TNPO2: variants seen among roughly 807,000 people sequenced by gnomAD.
TNPO2 encodes the protein transportin 2.
TNPO2 carries 16 observed loss-of-function variants against 111.1 expected under a neutral mutation model. The observed-to-expected ratio is 0.14, with a 90% CI of 0.10 to 0.22. The LOEUF is 0.22. Ranked by LOEUF, TNPO2 falls within the 10% of genes least tolerant of loss-of-function variation. The pLI is 1.00. For missense variants in TNPO2, 530 were observed against 1,173.7 expected (o/e 0.45, Z 8.01); for synonymous variants, 481 against 475.8 (o/e 1.01, Z -0.14).
Position 12,715,860 on chromosome 19 carries a change from T to A in TNPO2, c.326-121A>T. Reference sequence around the variant, plus strand: ...CCCTAGCCCATGTACGCCCTCTACATCCCCCCTCCTTTTTTTTTTCTTTGT... The same window carrying A: ...CCCTAGCCCATGTACGCCCTCTACAACCCCCCTCCTTTTTTTTTTCTTTGT... On this transcript the variant is annotated intron_variant, in intron 5 of 25. Transcript: ENST00000425528. The surrounding 1 kb of genome is among the most constrained non-coding windows in gnomAD (Gnocchi z 7.1). 4.2e-6 allele frequency: 3 copies of A among 707,904 alleles called. 1 individual carries two copies. Among genetic ancestry groups the A allele is most frequent in the South Asian group, 3.7e-5 (2 of 54,598 alleles). 43.9% of individuals were successfully genotyped at this position (707,904 alleles called of 1,614,324 possible).
In TNPO2 at chr19:12,702,881, G is replaced by A; in HGVS notation, c.2247C>T (p.Asn749=). ...GTCGGTTAATGATTTCCACCAGGTT[G>A]TTGAGGACCATCTGCACATAAGGCT... ...EMQPYVQMVL[N]NLVEIINRPN... The change falls in exon 21 of 26, where the codon AAC becomes AAT. Residue 749 remains asparagine, a synonymous_variant. Coordinates refer to ENST00000425528, the MANE Select transcript of TNPO2 (RefSeq NM_001382241.1). The surrounding 1 kb of genome is among the most constrained non-coding windows in gnomAD (Gnocchi z 5.5). 1 of 1,613,932 alleles carries A rather than the reference G, an allele frequency of 6.2e-7. No individual in the cohort carries two copies. Among genetic ancestry groups the A allele is most frequent in the Non-Finnish European group, 8.5e-7 (1 of 1,179,840 alleles).
chr19:12,710,217 T>C lies in TNPO2; in HGVS notation c.1270+404A>G, dbSNP rs539295241. ...AAGGCCCAGACACACCCTGAGTGAC[T>C]GTAAGGAAGTGGCATCAATCTTTCT... On this transcript the variant is annotated intron_variant, in intron 13 of 25. Transcript: ENST00000425528. Among the ~76,000 whole-genome samples the C allele has an allele frequency of 3.9e-5, 6 of 152,224 alleles. No homozygotes were observed. The South Asian group carries it at 1.2e-3, about 32-fold the overall frequency.
intron 5 of TNPO2, 134 bp downstream of exon 5, chr19:12,718,895 T>A: frequency 8.0e-7 from 1 of 1,243,702 alleles, no homozygotes; most frequent in Non-Finnish European, 1.1e-6. Context: ...CTCAGCTTCC[T>A]CATCTATCAA....
chr19:12,705,543 G>C lies in TNPO2; in HGVS notation c.1812C>G (p.Pro604=). The part of the protein sequence containing the change: ...LQSGFLPYCE[P]VYQRCVTLVQ... ...CCAGGGTGACACAGCGCTGGTAGAC[G>C]GGCTCACAGTAAGGCAGGAAGCCAC... Residue 604 remains proline (P), a synonymous_variant, in exon 17 of 26, where the codon CCC becomes CCG. Transcript: ENST00000425528. This position sits in a 1 kb window ranked among gnomAD's most constrained non-coding sequence, Gnocchi z 7.2. 1 of 1,605,712 alleles carries C rather than the reference G, an allele frequency of 6.2e-7. No homozygotes were observed. Among genetic ancestry groups the C allele is most frequent in the Non-Finnish European group, 8.5e-7 (1 of 1,176,764 alleles).
At position 12,705,417 on chromosome 19, in the gene TNPO2, AGGGGCAC is replaced by A; in HGVS notation, c.1864-26_1864-20del. ...TGTACATCTAGACACAGATGCCGAC[AGGGGCAC>A]GGGTAAGTGGAGCAGGCCCGAGGCA... On this transcript the variant is annotated intron_variant, in intron 17 of 25. Transcript: ENST00000425528. The surrounding 1 kb of genome is among the most constrained non-coding windows in gnomAD (Gnocchi z 7.2). The A allele has an allele frequency of 6.3e-7, 1 of 1,578,642 alleles. No homozygotes were observed. The highest frequency in any genetic ancestry group is 1.3e-5 in the African/African-American group (1 of 74,240).
intron 18 of TNPO2, among the ~76,000 whole-genome samples, chr19:12,704,666 C>T (rs999501493): frequency 8.3e-6 from 1 of 120,028 alleles, no homozygotes; most frequent in Non-Finnish European, 1.7e-5. Flanking sequence ...CTTGGGCTTT[C>T]ACATTTTCTA....
chr19:12,707,359 A>G (rs1442438554), intron 13 of TNPO2, among the ~76,000 whole-genome samples: 1 of 152,002 alleles, frequency 6.6e-6, no homozygotes, highest in Non-Finnish European at 1.5e-5. Context: ...AATTGAATTC[A>G]TGTGTTAATT....
In TNPO2 at chr19:12,719,315, A is replaced by T; in HGVS notation, c.121T>A (p.Phe41Ile). 1 of 1,613,888 alleles carries T rather than the reference A, an allele frequency of 6.2e-7. No individual in the cohort carries two copies. Among genetic ancestry groups the T allele is most frequent in the South Asian group, 1.1e-5 (1 of 91,088 alleles). Residue 41 changes from phenylalanine (F) to isoleucine (I), a missense_variant, in exon 4 of 26, where the codon TTT becomes ATT. This residue lies in a region of TNPO2 where 156 missense variants were observed against 405.8 expected (regional missense o/e 0.38). Coordinates refer to ENST00000425528, the MANE Select transcript of TNPO2 (RefSeq NM_001382241.1). This position sits in a 1 kb window ranked among gnomAD's most constrained non-coding sequence, Gnocchi z 5.0. ...VQDKLKQLNQ[F>I]PDFNNYLIFV... is the part of the protein sequence containing the mutation. ...ATCAGGTAGTTGTTGAAGTCAGGAAACTGATTGAGTTGTTTGAGTTTCTGC... is the reference window on the plus strand; with the variant it reads ...ATCAGGTAGTTGTTGAAGTCAGGAATCTGATTGAGTTGTTTGAGTTTCTGC...
Position 12,706,893 on chromosome 19 carries a change from C to T in TNPO2, c.1271-98G>A, listed in dbSNP as rs2025707458. 1.9e-6 allele frequency: 2 copies of T among 1,032,010 alleles called. No homozygotes were observed. Among genetic ancestry groups the T allele is most frequent in the Non-Finnish European group, 2.9e-6 (2 of 693,752 alleles). The allele number at this position is 1,032,010 out of a possible 1,614,324, so 63.9% of individuals were successfully genotyped here. ...CAGCCGCACACAACATATAGGGAAACTGAGGCTTAGAGTTTAAATCACTGG... is the reference window on the plus strand; with the variant it reads ...CAGCCGCACACAACATATAGGGAAATTGAGGCTTAGAGTTTAAATCACTGG... On this transcript the variant is annotated intron_variant, in intron 13 of 25. Transcript: ENST00000425528. The surrounding 1 kb of genome is among the most constrained non-coding windows in gnomAD (Gnocchi z 7.0).
At position 12,702,556 on chromosome 19, in the gene TNPO2, TG is replaced by T. The variant is rs1161268048; in HGVS notation, c.2305+266del. On this transcript the variant is annotated intron_variant, in intron 21 of 25. Transcript: ENST00000425528. This position sits in a 1 kb window ranked among gnomAD's most constrained non-coding sequence, Gnocchi z 5.5. ...TAATTTTTGTATTTTTTAGTAGAGA[TG>T]GGGTTTCACCATGTTGGCCAGGCTG... is the stretch of plus-strand genomic sequence containing the variant. The T allele has an allele frequency of 7.7e-5, 40 of 519,974 alleles. No individual in the cohort carries two copies. Among genetic ancestry groups the T allele is most frequent in the Non-Finnish European group, 1.1e-4 (31 of 288,216 alleles). The allele number at this position is 519,974 out of a possible 1,614,324, so 32.2% of individuals were successfully genotyped here. A position where few individuals can be genotyped will look rare whatever the true frequency, so the allele number is the denominator to read the frequency against.
chr19:12,713,540 G>T (rs1027499462), intron 10 of TNPO2, among the ~76,000 whole-genome samples: 8 of 152,076 alleles, frequency 5.3e-5, no homozygotes, highest in African/African-American at 1.9e-4. Context: ...GCTGGGCGTG[G>T]TGACTCACGC....
rs1388248839 is a variant in TNPO2, at chr19:12,705,427, G to GT, written c.1864-30dup. The GT allele has an allele frequency of 6.3e-7, 1 of 1,577,428 alleles. No individual in the cohort carries two copies. Among genetic ancestry groups the GT allele is most frequent in the Admixed American group, 1.9e-5 (1 of 54,000 alleles). On this transcript the variant is annotated intron_variant, in intron 17 of 25. Transcript: ENST00000425528. The surrounding 1 kb of genome is among the most constrained non-coding windows in gnomAD (Gnocchi z 7.2). ...GACACAGATGCCGACAGGGGCACGGGTAAGTGGAGCAGGCCCGAGGCAGGC... is the reference window on the plus strand; with the variant it reads ...GACACAGATGCCGACAGGGGCACGGGTTAAGTGGAGCAGGCCCGAGGCAGGC...
At chr19:12,704,571 C>A (rs2025522265) in intron 18 of TNPO2, among the ~76,000 whole-genome samples, 1 of 152,186 alleles carries the variant, frequency 6.6e-6, no homozygotes. Flanking sequence ...GTAATTTTTC[C>A]TCTGAGTATT....
In TNPO2 at chr19:12,701,192, C is replaced by T. The variant is rs1010737585; in HGVS notation, c.*72G>A. On this transcript the variant is annotated 3_prime_UTR_variant, in exon 26 of 26. Coordinates refer to ENST00000425528, the MANE Select transcript of TNPO2 (RefSeq NM_001382241.1). The surrounding 1 kb of genome is among the most constrained non-coding windows in gnomAD (Gnocchi z 5.0). ...CCCTCAACCAGGGCACAGCGACTTC[C>T]GGATGCAGCGCACTCCCCAGTAATC... The T allele has an allele frequency of 2.6e-5, 16 of 617,328 alleles. No individual in the cohort carries two copies. The highest frequency in any genetic ancestry group is 1.1e-4 in the African/African-American group (6 of 54,142). 38.2% of individuals were successfully genotyped at this position (617,328 alleles called of 1,614,324 possible).
In TNPO2 at chr19:12,711,165, AT is replaced by A; in HGVS notation, c.1117+130del. 4 of 1,225,394 alleles carry A rather than the reference AT, an allele frequency of 3.3e-6. No homozygotes were observed. The South Asian group carries it at 5.7e-5, about 17-fold the overall frequency. The allele number at this position is 1,225,394 out of a possible 1,614,324, so 75.9% of individuals were successfully genotyped here. ...CGCCTCAGCCTTCCAAAGTGCTGGG[AT>A]TACAGGCGTAAGCCACTGCGCCCGG... is the stretch of plus-strand genomic sequence containing the variant. On this transcript the variant is annotated intron_variant, in intron 12 of 25. Transcript: ENST00000425528.
intron 10 of TNPO2, among the ~76,000 whole-genome samples, chr19:12,714,373 C>T (rs1198077609): frequency 2.0e-5 from 3 of 149,402 alleles, no homozygotes; most frequent in African/African-American, 7.5e-5. Context: ...AGTGCAGTGG[C>T]ACGACCTTGG....
At position 12,706,995 on chromosome 19, in the gene TNPO2, C is replaced by T. The variant is rs1035786222; in HGVS notation, c.1271-200G>A. 1.1e-4 allele frequency among the ~76,000 whole-genome samples: 16 copies of T among 152,244 alleles called. No homozygotes were observed. The highest frequency in any genetic ancestry group is 1.4e-4 in the African/African-American group (6 of 41,542). On this transcript the variant is annotated intron_variant, in intron 13 of 25. Transcript: ENST00000425528. The surrounding 1 kb of genome is among the most constrained non-coding windows in gnomAD (Gnocchi z 7.0). ...ACAGAAGCCTCTCATCCCAAAGCCC[C>T]GGGTTATCTTTATTTTTTTTTGAGG...
In TNPO2 at chr19:12,709,461, C is replaced by T. The variant is rs192557817; in HGVS notation, c.1270+1160G>A. ...AACATGAGATATGAGATACATTAAA[C>T]ACATATTACATGTCGAAACATTTCT... On this transcript the variant is annotated intron_variant, in intron 13 of 25. Transcript: ENST00000425528. Among the ~76,000 whole-genome samples, 3 of 152,210 alleles carry T rather than the reference C, an allele frequency of 2.0e-5. No homozygotes were observed. The East Asian group carries it at 5.8e-4, about 29-fold the overall frequency.
intron 10 of TNPO2, 123 bp downstream of exon 10, chr19:12,714,698 A>G (rs1442622255): frequency 6.4e-6 from 5 of 777,690 alleles, no homozygotes; most frequent in African/African-American, 1.8e-5. Flanking sequence ...ACATAAATAT[A>G]TACTGAATGT....
Sources: allele counts gnomAD v4.1 joint callset (sites outside exome capture counted in the v4.1 genomes callset), GRCh38; gene constraint gnomAD v4.1.1; regional missense constraint gnomAD v4.1.1; non-coding constraint Gnocchi (gnomAD v3.1); transcripts MANE v1.5; gene names NCBI Gene and HGNC (gene_info 2026-07-23, HGNC 2026-07-21).